SVIL: variants seen among roughly 807,000 people sequenced by gnomAD.
The protein encoded by SVIL is supervillin.
Under a neutral mutation model 240.4 loss-of-function variants are expected in SVIL, and 101 were observed. The ratio of observed to expected loss-of-function variants is 0.42; its 90% CI spans 0.36 to 0.50. SVIL has a LOEUF of 0.50. Among genes scored for constraint, SVIL ranks in the 20% least tolerant of loss-of-function variants. The probability of loss-of-function intolerance (pLI) is 0.01; values close to 1 mark genes in which losing one functional copy is unlikely to be tolerated. For missense variants in SVIL, 2,512 were observed against 2,818.7 expected, an observed-to-expected ratio of 0.89 and a Z score of 2.46; for synonymous variants, 999 against 1,100.0, an observed-to-expected ratio of 0.91 and a Z score of 1.82.
At chr10:29,585,844 C>A (rs974221501) in intron 1 of SVIL, among the ~76,000 whole-genome samples, 1 of 152,242 alleles carries the variant, frequency 6.6e-6, no homozygotes, top group Non-Finnish European at 1.5e-5. Flanking sequence ...AGGTGTCCGA[C>A]GCCTCAGCTC....
At chr10:29,648,975 C>CA (rs1228237151) in intron 3 of SVIL, among the ~76,000 whole-genome samples, 14 of 151,992 alleles carry the variant, frequency 9.2e-5, no homozygotes, top group African/African-American at 2.9e-4. Context: ...CCCGTCTACA[C>CA]ACAAAAAAAA....
intron 1 of SVIL, among the ~76,000 whole-genome samples, chr10:29,721,014 T>G (rs563773964): frequency 6.6e-6 from 1 of 152,170 alleles, no homozygotes; most frequent in African/African-American, 2.4e-5. Context: ...AACCCACTAA[T>G]TTTTGTATTT....
chr10:29,734,419 G>A (rs950088496), intron 1 of SVIL, among the ~76,000 whole-genome samples: 1 of 152,122 alleles, frequency 6.6e-6, no homozygotes, highest in Non-Finnish European at 1.5e-5. Context: ...AAATAACCTG[G>A]AAGAATAAAC....
chr10:29,585,085 CCT>C (rs1491320077), intron 1 of SVIL, among the ~76,000 whole-genome samples: 11 of 132,410 alleles, frequency 8.3e-5, no homozygotes, highest in Non-Finnish European at 1.0e-4. Flanking sequence ...TATTCTTCTT[CCT>C]TTTTTTTTTT....
rs1213461619 is a variant in SVIL at position 29,522,595 on chromosome 10, T to C, written c.3204A>G (p.Thr1068=). The part of the protein sequence containing the change: ...FGEPTSEQTG[T]AAGKTIAQTT... ...TTTGAGCAATAGTTTTCCCAGCAGCTGTCCCCGTCTGCTCGGAAGTGGGCT... is the reference window on the plus strand; with the variant it reads ...TTTGAGCAATAGTTTTCCCAGCAGCCGTCCCCGTCTGCTCGGAAGTGGGCT... The change falls in exon 16 of 38, where the codon ACA becomes ACG. Residue 1068 remains threonine (T), a synonymous_variant. Transcript: ENST00000355867. 6.2e-7 allele frequency: 1 copy of C among 1,614,206 alleles called. No homozygotes were observed. Among genetic ancestry groups the C allele is most frequent in the Non-Finnish European group, 8.5e-7 (1 of 1,180,026 alleles).
At chr10:29,487,627 C>A in intron 23 of SVIL, 1 of 214,300 alleles carries the variant, frequency 4.7e-6, no homozygotes, top group Non-Finnish European at 9.3e-6. Context: ...TCTCCCGGGG[C>A]CTTTCTCTCC....
intron 18 of SVIL, among the ~76,000 whole-genome samples, chr10:29,498,786 G>C (rs1588994375): frequency 6.6e-6 from 1 of 152,110 alleles, no homozygotes; most frequent in East Asian, 1.9e-4. Flanking sequence ...TTTGAGACCA[G>C]CCTGGGCAAC....
In SVIL at chr10:29,551,174, C is replaced by T. The variant is rs1457135322; in HGVS notation, c.250G>A (p.Gly84Ser). The T allele has an allele frequency of 5.0e-6, 8 of 1,613,966 alleles. No homozygotes were observed. The highest frequency in any genetic ancestry group is 1.3e-5 in the African/African-American group (1 of 74,892). The stretch of plus-strand genomic sequence containing the variant: ...GTACCCGAACCATAGGGTGAGTCAC[C>T]GTGGACACCGGAGGTTTCTGTGCAG... ...KYCTETSGVH[G>S]DSPYGSGTMD... The change falls in exon 6 of 38, where the codon GGT becomes AGT. Residue 84 changes from glycine (G) to serine (S), a missense_variant. Physicochemically the swap from Gly to Ser is moderately conservative, Grantham distance 56. Coordinates refer to ENST00000355867, the MANE Select transcript of SVIL (RefSeq NM_021738.3).
At chr10:29,719,768 A>T (rs1963863476) in intron 1 of SVIL, among the ~76,000 whole-genome samples, 1 of 152,136 alleles carries the variant, frequency 6.6e-6, no homozygotes, top group African/African-American at 2.4e-5. Flanking sequence ...AAATATCCAA[A>T]ATGAAAAACA....
intron 6 of SVIL, among the ~76,000 whole-genome samples, chr10:29,537,802 C>T (rs560931698): frequency 6.6e-6 from 1 of 152,228 alleles, no homozygotes; most frequent in Non-Finnish European, 1.5e-5. Context: ...ACCTCTATCT[C>T]GGTCTAGGCT....
chr10:29,470,536 A>T, intron 31 of SVIL, 53 bp from the exon 32 acceptor site: 4 of 1,600,410 alleles, frequency 2.5e-6, no homozygotes, highest in Non-Finnish European at 3.4e-6. Context: ...GAGTGGCAGC[A>T]AACGCGGCCC....
chr10:29,499,422 C>G (rs1342257057), intron 17 of SVIL, among the ~76,000 whole-genome samples, 159 bp from the exon 18 acceptor site: 1 of 152,240 alleles, frequency 6.6e-6, no homozygotes, highest in Non-Finnish European at 1.5e-5. Flanking sequence ...ATGGGCTTGG[C>G]TTCCTTACGT....
rs181530505 is a variant in SVIL at position 29,723,157 on chromosome 10, C to G, written c.-400+12594G>C. On this transcript the variant is annotated intron_variant, in intron 1 of 35. Transcript: ENST00000375400. ...GGCTGAGGCAGAAGGATTGGCTGAGCCCAGGAATTTGAGACCAGCCTGAGC... is the reference window on the plus strand; with the variant it reads ...GGCTGAGGCAGAAGGATTGGCTGAGGCCAGGAATTTGAGACCAGCCTGAGC... Among the ~76,000 whole-genome samples, 662 of 152,292 alleles carry G rather than the reference C, an allele frequency of 4.3e-3. 8 individuals are homozygous for G. The highest frequency in any genetic ancestry group is 0.015 in the African/African-American group (622 of 41,564).
chr10:29,645,440 G>A (rs570481581), intron 3 of SVIL, among the ~76,000 whole-genome samples: 1 of 152,174 alleles, frequency 6.6e-6, no homozygotes, highest in South Asian at 2.1e-4. Context: ...TGTGGTGGCG[G>A]GCTCTTGTAG....
chr10:29,625,753 C>T (rs1451262186), intron 1 of SVIL, among the ~76,000 whole-genome samples: 2 of 152,168 alleles, frequency 1.3e-5, no homozygotes, highest in African/African-American at 2.4e-5. Context: ...TGAGCCACCA[C>T]GCCCAGCCTC....
chr10:29,732,752 C>G (rs765753184), intron 1 of SVIL, among the ~76,000 whole-genome samples: 3 of 152,216 alleles, frequency 2.0e-5, no homozygotes, highest in African/African-American at 7.2e-5. Context: ...TAGGCCAGCA[C>G]CATTTTCACA....
chr10:29,517,435 A>T (rs1212986062), intron 16 of SVIL, among the ~76,000 whole-genome samples: 1 of 152,116 alleles, frequency 6.6e-6, no homozygotes, highest in East Asian at 1.9e-4. Context: ...CTAGAAAAAT[A>T]AAAGAAAAAA....
intron 1 of SVIL, among the ~76,000 whole-genome samples, chr10:29,633,236 CAAAA>C (rs5784146): frequency 6.3e-4 from 45 of 71,078 alleles, no homozygotes; most frequent in African/African-American, 2.2e-3. Context: ...GACTCCATCT[CAAAA>C]AAAAAAAAAA....
At chr10:29,488,213 A>G (rs1241338187) in intron 23 of SVIL, among the ~76,000 whole-genome samples, 1 of 128,424 alleles carries the variant, frequency 7.8e-6, no homozygotes, top group East Asian at 2.1e-4. Flanking sequence ...CTGGGCAGAG[A>G]GCAGAGAGCC....
Sources: gnomAD v4.1 joint callset for allele counts (sites outside exome capture counted in the v4.1 genomes callset) on GRCh38, gnomAD v4.1.1 for gene constraint, MANE v1.5 for transcripts, NCBI Gene and HGNC (gene_info 2026-07-23, HGNC 2026-07-21) for gene names.